SCFD2: variants seen among roughly 807,000 people sequenced by gnomAD.
SCFD2 encodes the protein sec1 family domain containing 2.
Under a neutral mutation model 58.9 loss-of-function variants are expected in SCFD2, and 54 were observed. The ratio of observed to expected loss-of-function variants is 0.92; its 90% CI spans 0.74 to 1.15. SCFD2 has a LOEUF of 1.15. Among genes scored for constraint, SCFD2 ranks in the 50% most tolerant of loss-of-function variants. The pLI is 0.00. For synonymous variants in SCFD2, 321 were observed against 335.9 expected, an observed-to-expected ratio of 0.96 and a Z score of 0.49; for missense variants, 805 against 836.6, an observed-to-expected ratio of 0.96 and a Z score of 0.47.
chr4:53,150,061 A>G (rs1726460697), intron 4 of SCFD2, among the ~76,000 whole-genome samples: 1 of 152,236 alleles, frequency 6.6e-6, no homozygotes, highest in Non-Finnish European at 1.5e-5. Context: ...AGTTTATTAT[A>G]TTTGATAAAT....
At chr4:53,079,255 G>A (rs1394299184) in intron 5 of SCFD2, among the ~76,000 whole-genome samples, 1 of 152,156 alleles carries the variant, frequency 6.6e-6, no homozygotes, top group Non-Finnish European at 1.5e-5. Flanking sequence ...GCAGAAGATG[G>A]ATGTCCCAGC....
At chr4:53,176,973 A>G (rs1218041041) in intron 4 of SCFD2, among the ~76,000 whole-genome samples, 3 of 152,038 alleles carry the variant, frequency 2.0e-5, no homozygotes, top group African/African-American at 7.2e-5. Flanking sequence ...AAGAAAGAAA[A>G]AAAAGAAAGA....
At chr4:53,102,257 A>G (rs1311528178) in intron 5 of SCFD2, among the ~76,000 whole-genome samples, 3 of 152,198 alleles carry the variant, frequency 2.0e-5, no homozygotes, top group Non-Finnish European at 4.4e-5. Flanking sequence ...CAGTAAGCAC[A>G]AACTTCAAAT....
chr4:53,279,929 C>T (rs1731454767), intron 3 of SCFD2, among the ~76,000 whole-genome samples: 1 of 152,174 alleles, frequency 6.6e-6, no homozygotes. Flanking sequence ...CCCCATGATA[C>T]AATTACCTCC....
At chr4:53,097,183 G>C (rs567947792) in intron 5 of SCFD2, among the ~76,000 whole-genome samples, 31 of 152,170 alleles carry the variant, frequency 2.0e-4, no homozygotes, top group African/African-American at 7.5e-4. Context: ...GCTTAGGATT[G>C]TCTTGGCAAT....
intron 5 of SCFD2, among the ~76,000 whole-genome samples, chr4:53,084,427 G>T (rs1164103638): frequency 6.6e-6 from 1 of 152,004 alleles, no homozygotes; most frequent in Admixed American, 6.6e-5. Context: ...CTTTTTCAGG[G>T]TGCACTGATT....
At chr4:52,966,719 C>T (rs1008638541) in intron 5 of SCFD2, among the ~76,000 whole-genome samples, 8 of 152,256 alleles carry the variant, frequency 5.3e-5, no homozygotes, top group South Asian at 2.1e-4. Context: ...CTCTTATTAT[C>T]GACATCTTAC....
At chr4:53,193,329 G>T (rs141208862) in intron 4 of SCFD2, among the ~76,000 whole-genome samples, 1 of 152,304 alleles carries the variant, frequency 6.6e-6, no homozygotes, top group Non-Finnish European at 1.5e-5. Flanking sequence ...ATTCCAGACA[G>T]TCAAGGTTGC....
At chr4:53,347,015 CATTT>C (rs1168649942) in intron 2 of SCFD2, among the ~76,000 whole-genome samples, 3 of 152,228 alleles carry the variant, frequency 2.0e-5, no homozygotes, top group Admixed American at 6.5e-5. Context: ...CATCCTCATT[CATTT>C]GACTAACTTC....
intron 4 of SCFD2, among the ~76,000 whole-genome samples, chr4:53,206,039 C>T: frequency 6.6e-6 from 1 of 152,072 alleles, no homozygotes; most frequent in African/African-American, 2.4e-5. Context: ...ACACTAGTCC[C>T]CCAAAGTGCA....
At position 53,099,527 on chromosome 4, in the gene SCFD2, G is replaced by A. The variant is rs117745912; in HGVS notation, c.1561+45806C>T. On this transcript the variant is annotated intron_variant, in intron 5 of 8. Transcript: ENST00000401642. The stretch of plus-strand genomic sequence containing the variant: ...CTGCAGGTTGTACAAGACGCATGGC[G>A]CCAGCATCTGCTTGGCTTCTGGTGA... Among the ~76,000 whole-genome samples the A allele has an allele frequency of 8.9e-4, 136 of 152,276 alleles. No homozygotes were observed. The East Asian group carries it at 0.025, about 28-fold the overall frequency.
In SCFD2 at chr4:53,079,600, G is replaced by A. The variant is rs549425914; in HGVS notation, c.1561+65733C>T. 3.6e-4 allele frequency among the ~76,000 whole-genome samples: 55 copies of A among 152,280 alleles called. 1 individual carries two copies. The highest frequency in any genetic ancestry group is 1.3e-4 in the Admixed American group (2 of 15,296). ...TCACTGGCTACAATGTGTAGGCAGAGGGAACTAGGAAGATATAGCACTGAG... is the reference window on the plus strand; with the variant it reads ...TCACTGGCTACAATGTGTAGGCAGAAGGAACTAGGAAGATATAGCACTGAG... On this transcript the variant is annotated intron_variant, in intron 5 of 8. Transcript: ENST00000401642.
intron 5 of SCFD2, among the ~76,000 whole-genome samples, chr4:52,938,401 T>A (rs1720198766): frequency 6.6e-6 from 1 of 152,142 alleles, no homozygotes; most frequent in Non-Finnish European, 1.5e-5. Context: ...CAATAAACAC[T>A]GAAATGACTA....
intron 5 of SCFD2, among the ~76,000 whole-genome samples, chr4:53,106,240 T>C (rs1007260599): frequency 5.3e-5 from 8 of 152,098 alleles, no homozygotes; most frequent in Admixed American, 2.0e-4. Flanking sequence ...AGACCAAAGG[T>C]AGATAAATCC....
intron 5 of SCFD2, among the ~76,000 whole-genome samples, chr4:53,119,467 C>A (rs143851149): frequency 6.6e-6 from 1 of 151,922 alleles, no homozygotes; most frequent in African/African-American, 2.4e-5. Context: ...GGCGACAGAA[C>A]GAGACTGTTT....
intron 5 of SCFD2, among the ~76,000 whole-genome samples, chr4:53,112,980 G>T (rs1241465503): frequency 6.6e-6 from 1 of 151,848 alleles, no homozygotes; most frequent in Non-Finnish European, 1.5e-5. Flanking sequence ...CCCTCTTAAG[G>T]TCTCTTACTG....
At chr4:53,150,645 G>A (rs1726477234) in intron 4 of SCFD2, among the ~76,000 whole-genome samples, 1 of 152,168 alleles carries the variant, frequency 6.6e-6, no homozygotes, top group South Asian at 2.1e-4. Context: ...AATCCAGGCT[G>A]TACCAATTAC....
intron 2 of SCFD2, among the ~76,000 whole-genome samples, chr4:53,348,023 A>G (rs1194401226): frequency 6.6e-6 from 1 of 152,242 alleles, no homozygotes; most frequent in African/African-American, 2.4e-5. Flanking sequence ...CCATTTCAAC[A>G]GGAGGAAAAC....
intron 4 of SCFD2, among the ~76,000 whole-genome samples, chr4:53,197,255 T>A (rs559477288): frequency 6.6e-6 from 1 of 152,136 alleles, no homozygotes; most frequent in African/African-American, 2.4e-5. Flanking sequence ...GCCTGAACTG[T>A]TCATCAAAAC....
Sources: gnomAD v4.1 joint callset for allele counts (sites outside exome capture counted in the v4.1 genomes callset) on GRCh38, gnomAD v4.1.1 for gene constraint, MANE v1.5 for transcripts, NCBI Gene and HGNC (gene_info 2026-07-23, HGNC 2026-07-21) for gene names.